CEP128: variants seen among roughly 807,000 people sequenced by gnomAD.
CEP128 encodes the protein centrosomal protein 128.
CEP128 carries 132 observed loss-of-function variants against 156.7 expected under a neutral mutation model. The ratio of observed to expected loss-of-function variants is 0.84; its 90% CI spans 0.73 to 0.97. The LOEUF (loss-of-function observed/expected upper bound fraction) is 0.97, where lower values mean the gene tolerates loss of function less well. Ranked by LOEUF, CEP128 falls within the 50% of genes least tolerant of loss-of-function variation. CEP128 has a pLI of 0.00. For missense variants in CEP128, 1,252 were observed against 1,281.9 expected (o/e 0.98, Z 0.36); for synonymous variants, 469 against 448.9 (o/e 1.04, Z -0.57).
intron 19 of CEP128, among the ~76,000 whole-genome samples, chr14:80,663,773 T>C (rs1188332500): frequency 1.3e-5 from 2 of 152,318 alleles, no homozygotes; most frequent in East Asian, 1.9e-4. Context: ...GCTAGGAAAC[T>C]GCAGAGCCCA....
At chr14:80,939,080 T>C (rs895160702) in intron 2 of CEP128, among the ~76,000 whole-genome samples, 1 of 152,226 alleles carries the variant, frequency 6.6e-6, no homozygotes, top group African/African-American at 2.4e-5. Flanking sequence ...AAAGGAATTA[T>C]ATAATGCCTG....
intron 14 of CEP128, among the ~76,000 whole-genome samples, chr14:80,788,288 C>CTTTTTTTTTTTTTTTTTTTTTTT (rs10628361): frequency 6.2e-5 from 6 of 97,256 alleles, no homozygotes; most frequent in African/African-American, 7.9e-5. Context: ...TGGCCAGGAT[C>CTTTTTTTTTTTTTTTTTTTTTTT]TTTTTTTTTT....
At chr14:80,525,505 T>G (rs1223505561) in intron 23 of CEP128, among the ~76,000 whole-genome samples, 1 of 152,310 alleles carries the variant, frequency 6.6e-6, no homozygotes, top group East Asian at 1.9e-4. Flanking sequence ...TCAATAATCA[T>G]TAGCTCTCAT....
chr14:80,597,013 T>TA lies in CEP128; in HGVS notation c.2807-16591dup, dbSNP rs35774503. ...CCCTATGCTCCCACCTCAAGAACCTTAAAAAAAAACAAAAAACCAGCAAGC... is the reference window on the plus strand; with the variant it reads ...CCCTATGCTCCCACCTCAAGAACCTTAAAAAAAAAACAAAAAACCAGCAAGC... On this transcript the variant is annotated intron_variant, in intron 19 of 24. Transcript: ENST00000555265. Among the ~76,000 whole-genome samples the TA allele has an allele frequency of 3.3e-4, 48 of 146,422 alleles. 1 individual carries two copies. In the East Asian group the frequency reaches 3.4e-3, roughly 10 times the overall value.
chr14:80,746,138 T>C (rs1295951938), intron 18 of CEP128, among the ~76,000 whole-genome samples: 1 of 152,184 alleles, frequency 6.6e-6, no homozygotes, highest in African/African-American at 2.4e-5. Context: ...AAGCGAATAT[T>C]ATTAAAATAG....
chr14:80,642,291 A>T (rs1894449116), intron 19 of CEP128, among the ~76,000 whole-genome samples: 1 of 152,184 alleles, frequency 6.6e-6, no homozygotes, highest in Non-Finnish European at 1.5e-5. Flanking sequence ...ATAAAGCTTT[A>T]GCAATAACAA....
chr14:80,480,103 G>A (rs1457463701), intron 14 of CEP128, among the ~76,000 whole-genome samples: 1 of 152,138 alleles, frequency 6.6e-6, no homozygotes, highest in East Asian at 1.9e-4. Context: ...CAGGCACACG[G>A]TGCAAGCTGT....
chr14:80,609,418 T>G (rs1380420885), intron 19 of CEP128, among the ~76,000 whole-genome samples: 1 of 152,230 alleles, frequency 6.6e-6, no homozygotes, highest in Non-Finnish European at 1.5e-5. Context: ...AGGAATTTTA[T>G]ATTATTAAGA....
At chr14:80,707,173 T>C (rs1183215378) in intron 19 of CEP128, among the ~76,000 whole-genome samples, 2 of 152,202 alleles carry the variant, frequency 1.3e-5, no homozygotes, top group Non-Finnish European at 2.9e-5. Flanking sequence ...AGACATTGTC[T>C]GTTATGTTAT....
intron 19 of CEP128, among the ~76,000 whole-genome samples, chr14:80,721,740 C>T (rs1897824647): frequency 6.6e-6 from 1 of 152,052 alleles, no homozygotes; most frequent in Admixed American, 6.5e-5. Context: ...TCGAACAAGT[C>T]AGGATATAAA....
At chr14:80,734,044 C>G (rs1806008017) in intron 19 of CEP128, among the ~76,000 whole-genome samples, 1 of 152,134 alleles carries the variant, frequency 6.6e-6, no homozygotes, top group South Asian at 2.1e-4. Flanking sequence ...GTTCCCTCTG[C>G]TGGAATGGCT....
intron 2 of CEP128, among the ~76,000 whole-genome samples, chr14:80,954,274 G>GA (rs58619212): frequency 0.076 from 10,787 of 141,772 alleles, 1,207 homozygotes; most frequent in African/African-American, 0.26. Context: ...CGTTTCAAAA[G>GA]AAAAAAAAAA....
At chr14:80,703,376 A>G (rs1897136743) in intron 19 of CEP128, among the ~76,000 whole-genome samples, 1 of 152,020 alleles carries the variant, frequency 6.6e-6, no homozygotes, top group Non-Finnish European at 1.5e-5. Context: ...GTTATTTAAG[A>G]CTTTTAGCAA....
At chr14:80,764,709 C>A (rs1289705777) in intron 16 of CEP128, among the ~76,000 whole-genome samples, 1 of 152,098 alleles carries the variant, frequency 6.6e-6, no homozygotes, top group East Asian at 1.9e-4. Context: ...AGTCATCCAA[C>A]CACTAAATGA....
At position 80,624,326 on chromosome 14, in the gene CEP128, T is replaced by C. The variant is rs112444453; in HGVS notation, c.2807-43903A>G. Among the ~76,000 whole-genome samples, 821 of 152,304 alleles carry C rather than the reference T, an allele frequency of 5.4e-3. 4 individuals carry two copies. The highest frequency in any genetic ancestry group is 0.018 in the African/African-American group (761 of 41,556). On this transcript the variant is annotated intron_variant, in intron 19 of 24. Coordinates refer to ENST00000555265, the MANE Select transcript of CEP128 (RefSeq NM_152446.5). ...CACATTTTCTTTATCCATTCATCTG[T>C]TGATGGACATTTAGGTTGATTCCAT...
At chr14:80,650,173 C>T (rs12161870) in intron 19 of CEP128, among the ~76,000 whole-genome samples, 92,784 of 151,854 alleles carry the variant, frequency 0.61, 28,854 homozygotes, top group Non-Finnish European at 0.66. Flanking sequence ...ATTCTCTTTG[C>T]AGCAATTGTG....
chr14:80,808,666 C>T (rs1355005895), intron 13 of CEP128, among the ~76,000 whole-genome samples: 1 of 152,132 alleles, frequency 6.6e-6, no homozygotes, highest in Non-Finnish European at 1.5e-5. Context: ...GACTTACCTA[C>T]CTGACACCTT....
intron 18 of CEP128, among the ~76,000 whole-genome samples, chr14:80,755,638 T>A (rs1465085308): frequency 6.6e-6 from 1 of 152,228 alleles, no homozygotes. Context: ...GACGTCAGAA[T>A]GGACTATCTG....
At chr14:80,627,648 A>T (rs994679709) in intron 19 of CEP128, among the ~76,000 whole-genome samples, 12 of 152,286 alleles carry the variant, frequency 7.9e-5, no homozygotes, top group African/African-American at 2.6e-4. Context: ...GAAATTATTC[A>T]CAGGCAGGTT....
Sources: allele counts gnomAD v4.1 joint callset (sites outside exome capture counted in the v4.1 genomes callset), GRCh38; gene constraint gnomAD v4.1.1; transcripts MANE v1.5; gene names NCBI Gene and HGNC (gene_info 2026-07-23, HGNC 2026-07-21).